The following STRN3 variants were observed in gnomAD, a reference collection of about 807,000 sequenced individuals.
STRN3 encodes the protein striatin 3, also known as striatin-3.
Under a neutral mutation model 95.6 loss-of-function variants are expected in STRN3, and 29 were observed. The ratio of observed to expected loss-of-function variants is 0.30; its 90% CI spans 0.23 to 0.41. The LOEUF (loss-of-function observed/expected upper bound fraction) is 0.41. Among genes scored for constraint, STRN3 ranks in the 10% least tolerant of loss-of-function variants. The probability of loss-of-function intolerance (pLI) is 1.00; values close to 1 mark genes in which losing one functional copy is unlikely to be tolerated. For synonymous variants in STRN3, 331 were observed against 357.6 expected (o/e 0.93, Z 0.84); for missense variants, 890 against 972.1 (o/e 0.92, Z 1.12).
intron 1 of STRN3, among the ~76,000 whole-genome samples, chr14:30,970,856 C>T (rs1401428613): frequency 2.6e-5 from 4 of 152,244 alleles, no homozygotes; most frequent in East Asian, 1.9e-4. Flanking sequence ...TTTGTGCGCA[C>T]GGCAGGGAGG....
At position 30,902,430 on chromosome 14, in the gene STRN3, T is replaced by C. The variant is rs149220252; in HGVS notation, c.2137+106A>G. On this transcript the variant is annotated intron_variant, in intron 16 of 17. Coordinates refer to ENST00000357479, the MANE Select transcript of STRN3 (RefSeq NM_001083893.2). ...AAAATCTGAGTTAAAATGGTTTCAT[T>C]TGGCAATTTCGTATCTGAAAAGTCA... 374 of 700,372 alleles carry C rather than the reference T, an allele frequency of 5.3e-4. 2 individuals are homozygous for C. In the African/African-American group the frequency reaches 6.8e-3, roughly 13 times the overall value. 43.4% of individuals were successfully genotyped at this position (700,372 alleles called of 1,614,324 possible).
intron 4 of STRN3, among the ~76,000 whole-genome samples, chr14:30,948,109 T>C (rs1218413875): frequency 1.3e-5 from 2 of 152,186 alleles, no homozygotes; most frequent in East Asian, 1.9e-4. Flanking sequence ...TGCACAAATG[T>C]ATGTGGAAGT....
At chr14:30,987,734 G>C (rs1230984428) in intron 1 of STRN3, among the ~76,000 whole-genome samples, 4 of 149,624 alleles carry the variant, frequency 2.7e-5, no homozygotes, top group Non-Finnish European at 4.4e-5. Flanking sequence ...TCAATCAGTT[G>C]AATATAATTT....
At chr14:30,942,593 A>G (rs1483679877) in intron 5 of STRN3, among the ~76,000 whole-genome samples, 1 of 152,210 alleles carries the variant, frequency 6.6e-6, no homozygotes, top group Non-Finnish European at 1.5e-5. Flanking sequence ...TCAAAGGTAA[A>G]TAAGACCAAT....
chr14:30,947,073 T>A lies in STRN3; in HGVS notation c.716+17A>T. 6.5e-7 allele frequency: 1 copy of A among 1,544,622 alleles called. No homozygotes were observed. The highest frequency in any genetic ancestry group is 8.7e-7 in the Non-Finnish European group (1 of 1,144,786). ...CATAATATCCATTATATAAACTATG[T>A]TAAGTATAAATCATACCTTTTTATT... On this transcript the variant is annotated intron_variant, in intron 5 of 17. Coordinates refer to ENST00000357479, the MANE Select transcript of STRN3 (RefSeq NM_001083893.2).
intron 1 of STRN3, among the ~76,000 whole-genome samples, chr14:31,019,996 T>A (rs1226629226): frequency 1.3e-5 from 2 of 152,068 alleles, no homozygotes; most frequent in African/African-American, 4.8e-5. Context: ...GCGCTGGGAT[T>A]ACAAGCGTGA....
chr14:30,956,799 C>T (rs1046514638), intron 1 of STRN3, among the ~76,000 whole-genome samples: 2 of 152,144 alleles, frequency 1.3e-5, no homozygotes, highest in African/African-American at 2.4e-5. Flanking sequence ...TAGATAAATA[C>T]GTCAGAAAAT....
chr14:30,961,067 C>T (rs1026287707), intron 1 of STRN3, among the ~76,000 whole-genome samples: 7 of 151,678 alleles, frequency 4.6e-5, no homozygotes, highest in African/African-American at 1.5e-4. Flanking sequence ...AAAACACTAG[C>T]CATAAAGAAA....
At position 30,895,357 on chromosome 14, in the gene STRN3, G is replaced by A; in HGVS notation, c.*54C>T. 7 of 1,526,324 alleles carry A rather than the reference G, an allele frequency of 4.6e-6. No homozygotes were observed. The South Asian group carries it at 8.9e-5, about 19-fold the overall frequency. 94.5% of individuals were successfully genotyped at this position (1,526,324 alleles called of 1,614,324 possible). A position where few individuals can be genotyped will look rare whatever the true frequency, so the allele number is the denominator to read the frequency against. On this transcript the variant is annotated 3_prime_UTR_variant, in exon 18 of 18. Transcript: ENST00000357479. ...CAGTAACCTTTCTGATGGCAGTGAT[G>A]CAGACCCTCTTTCTGTCCAAGCAAA...
Position 31,009,538 on chromosome 14 carries a change from GACATGC to G in STRN3, c.282+16360_282+16365del, listed in dbSNP as rs200453070. Among the ~76,000 whole-genome samples, 621 of 145,136 alleles carry G rather than the reference GACATGC, an allele frequency of 4.3e-3. 5 individuals carry two copies. The highest frequency in any genetic ancestry group is 5.4e-3 in the Non-Finnish European group (365 of 67,008). ...ATTTGTACGGAAAAAATTCTGAAAA[GACATGC>G]ACCCAAAAATATAGCAGTGGTTGTT... On this transcript the variant is annotated intron_variant, in intron 1 of 17. Coordinates refer to ENST00000357479, the MANE Select transcript of STRN3 (RefSeq NM_001083893.2).
intron 1 of STRN3, among the ~76,000 whole-genome samples, chr14:30,976,984 G>A (rs1417985249): frequency 6.6e-6 from 1 of 152,140 alleles, no homozygotes; most frequent in Non-Finnish European, 1.5e-5. Context: ...CAGCACTTTG[G>A]GAGGCCGAGG....
intron 1 of STRN3, among the ~76,000 whole-genome samples, chr14:30,975,592 A>G (rs1881060340): frequency 1.3e-5 from 2 of 151,810 alleles, no homozygotes; most frequent in Non-Finnish European, 2.9e-5. Flanking sequence ...GAAAGAAAGA[A>G]AAGAAAAGAA....
At chr14:30,955,160 C>T (rs1879838619) in intron 3 of STRN3, among the ~76,000 whole-genome samples, 1 of 152,118 alleles carries the variant, frequency 6.6e-6, no homozygotes, top group Non-Finnish European at 1.5e-5. Flanking sequence ...CCATCTTGGT[C>T]TCTTAATTTT....
chr14:30,916,284 T>TG (rs1444858075), intron 9 of STRN3, among the ~76,000 whole-genome samples: 1 of 90,366 alleles, frequency 1.1e-5, no homozygotes. Flanking sequence ...GTTTTTTTGG[T>TG]TTTTTTTTTT....
chr14:30,911,405 G>A (rs558181705), intron 12 of STRN3, among the ~76,000 whole-genome samples: 3 of 150,238 alleles, frequency 2.0e-5, no homozygotes, highest in African/African-American at 2.5e-5. Flanking sequence ...AGGTTCGAGC[G>A]ATTCTCCTGC....
At chr14:31,025,078 T>A (rs1398556505) in intron 1 of STRN3, 1 of 152,206 alleles carries the variant, frequency 6.6e-6, no homozygotes, top group Non-Finnish European at 1.5e-5. Flanking sequence ...TAACATGATA[T>A]AACTACGTTT....
intron 7 of STRN3, among the ~76,000 whole-genome samples, chr14:30,929,979 A>AAAAACAAAAAAAAAAAC (rs1566441550): frequency 1.4e-5 from 2 of 147,482 alleles, no homozygotes; most frequent in African/African-American, 2.5e-5. Flanking sequence ...AAAAAAAAAA[A>AAAAACAAAAAAAAAAAC]CTCAAATTCC....
intron 1 of STRN3, among the ~76,000 whole-genome samples, chr14:30,975,245 C>A: frequency 6.6e-6 from 1 of 150,910 alleles, no homozygotes. Context: ...GAAATAATGG[C>A]ATTTGCAGCA....
intron 1 of STRN3, among the ~76,000 whole-genome samples, chr14:30,978,503 A>G (rs1041140138): frequency 1.3e-5 from 2 of 152,248 alleles, no homozygotes; most frequent in African/African-American, 4.8e-5. Flanking sequence ...GTACAGCTAA[A>G]TATCATATTT....
Sources: allele counts gnomAD v4.1 joint callset (sites outside exome capture counted in the v4.1 genomes callset), GRCh38; gene constraint gnomAD v4.1.1; transcripts MANE v1.5; gene names NCBI Gene and HGNC (gene_info 2026-07-23, HGNC 2026-07-21).